NKAIN1: variants seen among roughly 807,000 people sequenced by gnomAD.
NKAIN1 encodes sodium/potassium transporting ATPase interacting 1.
In NKAIN1, 13 loss-of-function variants were observed where a neutral mutation model predicts 31.6. The ratio of observed to expected loss-of-function variants is 0.41; its 90% CI spans 0.27 to 0.65. NKAIN1 has a LOEUF of 0.65. NKAIN1 is among the 30% of genes least tolerant of loss of function. The pLI, the probability that NKAIN1 is intolerant of heterozygous loss-of-function variation, is 0.30. For synonymous variants in NKAIN1, 104 were observed against 109.0 expected (o/e 0.95, Z 0.28); for missense variants, 193 against 262.2 (o/e 0.74, Z 1.82).
chr1:31,235,296 C>T (rs980284286), intron 1 of NKAIN1, among the ~76,000 whole-genome samples: 8 of 150,556 alleles, frequency 5.3e-5, no homozygotes, highest in Non-Finnish European at 7.4e-5. Context: ...AGAAAAGGCA[C>T]GGGATTAAAA....
rs374560021 is a variant in NKAIN1 at position 31,181,625 on chromosome 1, A to G, written c.*78T>C. On this transcript the variant is annotated 3_prime_UTR_variant, in exon 7 of 7. Transcript: ENST00000373736. ...TGAGCGCGCGGGCCACCAGGGGGAC[A>G]CGCCTGCGCCTTGGCCCGAGCTCGC... 318 of 1,356,884 alleles carry G rather than the reference A, an allele frequency of 2.3e-4. 2 individuals are homozygous for G. In the Middle Eastern group the frequency reaches 2.9e-3, roughly 13 times the overall value. 84.1% of individuals were successfully genotyped at this position (1,356,884 alleles called of 1,614,324 possible).
At chr1:31,213,226 C>G (rs1278735889) in intron 1 of NKAIN1, among the ~76,000 whole-genome samples, 1 of 151,466 alleles carries the variant, frequency 6.6e-6, no homozygotes, top group African/African-American at 2.4e-5. Flanking sequence ...ATATAAAGAA[C>G]TTTTGCAATT....
At chr1:31,217,396 C>A (rs1271994472) in intron 1 of NKAIN1, among the ~76,000 whole-genome samples, 1 of 152,144 alleles carries the variant, frequency 6.6e-6, no homozygotes, top group Non-Finnish European at 1.5e-5. Flanking sequence ...AAACTCCTGG[C>A]CTCAAGAGAC....
At chr1:31,222,784 A>G (rs904914251) in intron 1 of NKAIN1, among the ~76,000 whole-genome samples, 1 of 152,208 alleles carries the variant, frequency 6.6e-6, no homozygotes, top group African/African-American at 2.4e-5. Context: ...TTGGAGTCCA[A>G]AAGGCCTGGG....
intron 1 of NKAIN1, among the ~76,000 whole-genome samples, chr1:31,206,273 T>TAAAAATAAA (rs60976297): frequency 3.7e-4 from 5 of 13,668 alleles, no homozygotes; most frequent in Non-Finnish European, 1.9e-3. Flanking sequence ...ATAAATAAAC[T>TAAAAATAAA]CTCTGGTTTA....
chr1:31,222,366 C>T (rs1370437446), intron 1 of NKAIN1, among the ~76,000 whole-genome samples: 1 of 152,206 alleles, frequency 6.6e-6, no homozygotes, highest in Non-Finnish European at 1.5e-5. Context: ...AAGTCAGGGA[C>T]CCCTGCTGGG....
intron 1 of NKAIN1, among the ~76,000 whole-genome samples, chr1:31,213,829 C>T (rs34265582): frequency 0.67 from 101,651 of 151,382 alleles, 34,941 homozygotes; most frequent in Middle Eastern, 0.87. Context: ...ATCCTGTCTC[C>T]ACAAAAATTT....
At chr1:31,209,118 T>C (rs1471932920) in intron 1 of NKAIN1, among the ~76,000 whole-genome samples, 1 of 152,148 alleles carries the variant, frequency 6.6e-6, no homozygotes, top group Non-Finnish European at 1.5e-5. Context: ...CTCTCACCTG[T>C]AATTCCAGCA....
intron 1 of NKAIN1, among the ~76,000 whole-genome samples, chr1:31,190,357 T>C (rs1449080189): frequency 9.2e-5 from 14 of 152,118 alleles, no homozygotes; most frequent in Admixed American, 7.9e-4. Context: ...GATGTGCAGA[T>C]TGTAAAGCTC....
At chr1:31,197,901 A>G (rs529684551) in intron 1 of NKAIN1, among the ~76,000 whole-genome samples, 6 of 151,852 alleles carry the variant, frequency 4.0e-5, no homozygotes, top group Admixed American at 6.6e-5. Flanking sequence ...TTTGTCACCC[A>G]GCTGGAGTGC....
Position 31,181,718 on chromosome 1 carries a change from G to C in NKAIN1, c.615-6C>G. ...GGGGCAGAGGCTACCCCGACCTGCG[G>C]GAAACAAAGGCAGGTTAGGGAGAGT... On this transcript the variant is annotated splice_region_variant and splice_polypyrimidine_tract_variant and intron_variant, in intron 6 of 6. Transcript: ENST00000373736. 1 of 1,491,872 alleles carries C rather than the reference G, an allele frequency of 6.7e-7. No homozygotes were observed. Among genetic ancestry groups the C allele is most frequent in the Non-Finnish European group, 9.0e-7 (1 of 1,114,748 alleles). 92.4% of individuals were successfully genotyped at this position (1,491,872 alleles called of 1,614,324 possible). A position where few individuals can be genotyped will look rare whatever the true frequency, so the allele number is the denominator to read the frequency against.
At chr1:31,198,063 TG>T (rs1645345123) in intron 1 of NKAIN1, among the ~76,000 whole-genome samples, 1 of 152,172 alleles carries the variant, frequency 6.6e-6, no homozygotes, top group Non-Finnish European at 1.5e-5. Context: ...TATTTAGTTA[TG>T]GTCTGTCTCC....
intron 1 of NKAIN1, among the ~76,000 whole-genome samples, chr1:31,215,625 C>A (rs560795894): frequency 3.3e-5 from 5 of 152,144 alleles, no homozygotes; most frequent in Non-Finnish European, 7.3e-5. Context: ...ATGACACCTC[C>A]TCCACCCCTC....
intron 1 of NKAIN1, among the ~76,000 whole-genome samples, chr1:31,205,750 G>A (rs543913165): frequency 6.7e-6 from 1 of 150,198 alleles, no homozygotes; most frequent in Admixed American, 6.7e-5. Flanking sequence ...AACTTCCCAA[G>A]TAGCTGGGAT....
At chr1:31,224,357 G>T (rs926251863) in intron 1 of NKAIN1, among the ~76,000 whole-genome samples, 20 of 152,346 alleles carry the variant, frequency 1.3e-4, no homozygotes, top group Admixed American at 1.1e-3. Flanking sequence ...CTACGTGCCA[G>T]TGTCCGCCCC....
At chr1:31,197,516 G>A (rs1645339100) in intron 1 of NKAIN1, among the ~76,000 whole-genome samples, 2 of 150,262 alleles carry the variant, frequency 1.3e-5, no homozygotes, top group Admixed American at 6.6e-5. Flanking sequence ...AAAGTGCTGG[G>A]ATTACAGGCA....
intron 1 of NKAIN1, among the ~76,000 whole-genome samples, chr1:31,217,565 A>G (rs1238486393): frequency 6.6e-6 from 1 of 152,222 alleles, no homozygotes; most frequent in African/African-American, 2.4e-5. Flanking sequence ...CCATGGGGAA[A>G]GGCTCTAGCA....
At chr1:31,205,967 C>T (rs1388007812) in intron 1 of NKAIN1, among the ~76,000 whole-genome samples, 1 of 151,218 alleles carries the variant, frequency 6.6e-6, no homozygotes, top group African/African-American at 2.4e-5. Context: ...GGTGCAGTGG[C>T]TTACATCTGT....
intron 1 of NKAIN1, chr1:31,193,979 T>C (rs572983626): frequency 7.2e-5 from 11 of 152,072 alleles, no homozygotes; most frequent in South Asian, 2.1e-4. Context: ...GGGGAAAAAT[T>C]CCTTCCTTCG....
Sources: gnomAD v4.1 joint callset for allele counts (sites outside exome capture counted in the v4.1 genomes callset) on GRCh38, gnomAD v4.1.1 for gene constraint, MANE v1.5 for transcripts, NCBI Gene and HGNC (gene_info 2026-07-23, HGNC 2026-07-21) for gene names.